TEPSIN: variants seen among roughly 807,000 people sequenced by gnomAD.
The protein encoded by TEPSIN is AP-4 complex accessory subunit tepsin.
A neutral mutation model predicts 48.5 loss-of-function variants in TEPSIN; 50 were observed. That is an observed-to-expected ratio of 1.03 (90% CI 0.82 to 1.31). The LOEUF is 1.31. Among genes scored for constraint, TEPSIN ranks in the 50% most tolerant of loss-of-function variants. The pLI is 0.00. For missense variants in TEPSIN, 838 were observed against 815.9 expected, an observed-to-expected ratio of 1.03 and a Z score of -0.33; for synonymous variants, 392 against 358.8, an observed-to-expected ratio of 1.09 and a Z score of -1.05.
chr17:81,230,879 C>T lies in TEPSIN; in HGVS notation c.1099-201G>A, dbSNP rs547320781. 4.8e-6 allele frequency: 3 copies of T among 625,918 alleles called. No homozygotes were observed. Among genetic ancestry groups the T allele is most frequent in the East Asian group, 3.1e-5 (1 of 32,110 alleles). The allele number at this position is 625,918 out of a possible 1,614,324, so 38.8% of individuals were successfully genotyped here. ...GACACCACAGCCCTGTCCTCACCAC[C>T]TTACACCCCCGCTCCCAGACACCAG... On this transcript the variant is annotated intron_variant, in intron 11 of 12. Transcript: ENST00000637944. The surrounding 1 kb of genome is among the most constrained non-coding windows in gnomAD (Gnocchi z 4.2).
chr17:81,234,393 T>C lies in TEPSIN; in HGVS notation c.308-345A>G, dbSNP rs1286343521. On this transcript the variant is annotated intron_variant, in intron 4 of 12. Coordinates refer to ENST00000637944, the MANE Select transcript of TEPSIN (RefSeq NM_001363764.2). This position sits in a 1 kb window ranked among gnomAD's most constrained non-coding sequence, Gnocchi z 5.4. ...GGACCCCTCAGAGGCTTCCGGGGCC[T>C]GGAGGGAGAAACCAGCGTTCTTATC... Among the ~76,000 whole-genome samples, 1 of 152,088 alleles carries C rather than the reference T, an allele frequency of 6.6e-6. No homozygotes were observed. The highest frequency in any genetic ancestry group is 1.5e-5 in the Non-Finnish European group (1 of 67,988).
chr17:81,238,895 G>A, intron 1 of TEPSIN, 91 bp downstream of exon 1: 4 of 1,371,712 alleles, frequency 2.9e-6, no homozygotes, highest in African/African-American at 1.5e-5. Context: ...GGAGACGCAA[G>A]GTCAATGGCT....
At position 81,230,429 on chromosome 17, in the gene TEPSIN, G is replaced by C; in HGVS notation, c.1233+115C>G. On this transcript the variant is annotated intron_variant, in intron 12 of 12. Transcript: ENST00000637944. This position sits in a 1 kb window ranked among gnomAD's most constrained non-coding sequence, Gnocchi z 4.2. ...GCCAGCGGGACAGGGACTTGAGAGGGGGTCCGGGAAGGGCTGACCAGGCGC... is the reference window on the plus strand; with the variant it reads ...GCCAGCGGGACAGGGACTTGAGAGGCGGTCCGGGAAGGGCTGACCAGGCGC... The C allele has an allele frequency of 2.1e-6, 3 of 1,426,244 alleles. No individual in the cohort carries two copies. The highest frequency in any genetic ancestry group is 2.8e-6 in the Non-Finnish European group (3 of 1,060,098). The allele number at this position is 1,426,244 out of a possible 1,614,324, so 88.3% of individuals were successfully genotyped here.
At position 81,234,329 on chromosome 17, in the gene TEPSIN, C is replaced by G. The variant is rs1234859596; in HGVS notation, c.308-281G>C. ...ACCCCTGGTGCCTGAGCGGGTGTGG[C>G]CTCCCCGAAGCCCACTCTCCCTGCC... On this transcript the variant is annotated intron_variant, in intron 4 of 12. Coordinates refer to ENST00000637944, the MANE Select transcript of TEPSIN (RefSeq NM_001363764.2). The surrounding 1 kb of genome is among the most constrained non-coding windows in gnomAD (Gnocchi z 5.4). The G allele has an allele frequency of 1.2e-5, 4 of 331,256 alleles. No homozygotes were observed. Among genetic ancestry groups the G allele is most frequent in the Non-Finnish European group, 2.2e-5 (4 of 182,846 alleles). 20.5% of individuals were successfully genotyped at this position (331,256 alleles called of 1,614,324 possible). A position where few individuals can be genotyped will look rare whatever the true frequency, so the allele number is the denominator to read the frequency against.
Position 81,230,882 on chromosome 17 carries a change from A to C in TEPSIN, c.1099-204T>G. 1 of 606,542 alleles carries C rather than the reference A, an allele frequency of 1.6e-6. No individual in the cohort carries two copies. Among genetic ancestry groups the C allele is most frequent in the Non-Finnish European group, 2.7e-6 (1 of 372,862 alleles). The allele number at this position is 606,542 out of a possible 1,614,324, so 37.6% of individuals were successfully genotyped here. A position where few individuals can be genotyped will look rare whatever the true frequency, so the allele number is the denominator to read the frequency against. ...ACCACAGCCCTGTCCTCACCACCTT[A>C]CACCCCCGCTCCCAGACACCAGAGC... On this transcript the variant is annotated intron_variant, in intron 11 of 12. Transcript: ENST00000637944. This position sits in a 1 kb window ranked among gnomAD's most constrained non-coding sequence, Gnocchi z 4.2.
In TEPSIN at chr17:81,232,431, C is replaced by G. The variant is rs1398720693; in HGVS notation, c.614G>C (p.Ser205Thr). The G allele has an allele frequency of 1.6e-5, 25 of 1,535,642 alleles. No homozygotes were observed. Among genetic ancestry groups the G allele is most frequent in the Non-Finnish European group, 2.6e-6 (3 of 1,146,686 alleles). The change falls in exon 8 of 13, where the codon AGT (serine) becomes ACT (threonine). Residue 205 changes from serine (S) to threonine (T), a missense_variant. Physicochemically the swap from Ser to Thr is moderately conservative, Grantham distance 58. Transcript: ENST00000637944. ...SAMRPGPESP[S>T]TRRLLPRGDT... ...ACCCCGCGGCAGGAGCCTCCGGGTA[C>G]TGGGACTCTCGGGCCCGGGGCGCAT...
Position 81,228,537 on chromosome 17 carries a change from C to T in TEPSIN, c.*391G>A, listed in dbSNP as rs1329593949. ...CCCAGCCTCAGCACCTAGCCCACCC[C>T]GATGGGACGGGGGAGCAGTGGCTTG... On this transcript the variant is annotated 3_prime_UTR_variant, in exon 13 of 13. Transcript: ENST00000637944. 3 of 303,972 alleles carry T rather than the reference C, an allele frequency of 9.9e-6. No homozygotes were observed. The highest frequency in any genetic ancestry group is 4.6e-5 in the African/African-American group (2 of 43,196). 18.8% of individuals were successfully genotyped at this position (303,972 alleles called of 1,614,324 possible). A position where few individuals can be genotyped will look rare whatever the true frequency, so the allele number is the denominator to read the frequency against.
chr17:81,231,328 C>G (rs953867374), intron 11 of TEPSIN, 70 bp downstream of exon 11: 13 of 1,395,178 alleles, frequency 9.3e-6, no homozygotes, highest in Middle Eastern at 5.2e-4. Flanking sequence ...TGCACACACA[C>G]GCACACGCAC....
chr17:81,231,003 G>T (rs895855341), intron 11 of TEPSIN: 6 of 499,498 alleles, frequency 1.2e-5, no homozygotes, highest in Non-Finnish European at 1.8e-5. Flanking sequence ...GTGACCTGCT[G>T]CCCCGATTGC....
chr17:81,234,033 G>A lies in TEPSIN; in HGVS notation c.323C>T (p.Pro108Leu), dbSNP rs1212523899. 6.3e-7 allele frequency: 1 copy of A among 1,592,534 alleles called. No individual in the cohort carries two copies. The highest frequency in any genetic ancestry group is 8.5e-7 in the Non-Finnish European group (1 of 1,173,594). The change falls in exon 5 of 13, where the codon CCA (proline) becomes CTA (leucine). Residue 108 changes from proline to leucine, a missense_variant. Coordinates refer to ENST00000637944, the MANE Select transcript of TEPSIN (RefSeq NM_001363764.2). The surrounding 1 kb of genome is among the most constrained non-coding windows in gnomAD (Gnocchi z 5.4). ...IQEAAAFAGP[P>L]DPLHGNSLYQ... Reference sequence around the variant, plus strand: ...CAAGCTGTTCCCGTGCAGAGGATCTGGGGGCCCTGCAAAAGCTGCAGAACA... The same window carrying A: ...CAAGCTGTTCCCGTGCAGAGGATCTAGGGGCCCTGCAAAAGCTGCAGAACA...
chr17:81,236,871 AC>A, intron 3 of TEPSIN, 70 bp from the exon 4 acceptor site: 1 of 1,536,122 alleles, frequency 6.5e-7, no homozygotes, highest in Non-Finnish European at 8.8e-7. Context: ...GCCCGGGGGC[AC>A]CCCAAGGGCA....
rs757514556 is a variant in TEPSIN, at chr17:81,231,841, G to A, written c.905+6C>T. ...CTCTCCCACATATCTGGCAGCTCCCGCTCACCTTTCTGCCAGGTCACCCGG... is the reference window on the plus strand; with the variant it reads ...CTCTCCCACATATCTGGCAGCTCCCACTCACCTTTCTGCCAGGTCACCCGG... On this transcript the variant is annotated splice_donor_region_variant and intron_variant, in intron 9 of 12. Transcript: ENST00000637944. 1.4e-5 allele frequency: 22 copies of A among 1,612,462 alleles called. No homozygotes were observed. In the East Asian group the frequency reaches 2.0e-4, roughly 15 times the overall value.
rs753049860 is a variant in TEPSIN at position 81,233,961 on chromosome 17, G to A, written c.375+20C>T. The A allele has an allele frequency of 1.1e-5, 17 of 1,593,494 alleles. No individual in the cohort carries two copies. Among genetic ancestry groups the A allele is most frequent in the Admixed American group, 3.7e-5 (2 of 53,734 alleles). On this transcript the variant is annotated intron_variant, in intron 5 of 12. Transcript: ENST00000637944. This position sits in a 1 kb window ranked among gnomAD's most constrained non-coding sequence, Gnocchi z 5.8. ...CAGGAGGAGGGGCACCCCGCAGAGC[G>A]ACACTGCTCCTGGGCTCACCTGCGC...
Position 81,237,084 on chromosome 17 carries a change from C to T in TEPSIN, c.122-13G>A, listed in dbSNP as rs74763453. 2.7e-3 allele frequency: 4,205 copies of T among 1,575,244 alleles called. 206 individuals are homozygous for T. The East Asian group carries it at 0.074, about 28-fold the overall frequency. The stretch of plus-strand genomic sequence containing the variant: ...TCGTGGGAGATTTCTGCGGCACGCT[C>T]GGGTTAGGGAAGGGCGAGATGATGA... On this transcript the variant is annotated splice_polypyrimidine_tract_variant and intron_variant, in intron 2 of 12. Coordinates refer to ENST00000637944, the MANE Select transcript of TEPSIN (RefSeq NM_001363764.2).
Position 81,231,570 on chromosome 17 carries a change from G to A in TEPSIN, c.1019+8C>T, listed in dbSNP as rs373767814. 177 of 1,609,618 alleles carry A rather than the reference G, an allele frequency of 1.1e-4. No homozygotes were observed. The highest frequency in any genetic ancestry group is 2.4e-4 in the African/African-American group (18 of 74,858). On this transcript the variant is annotated splice_region_variant and intron_variant, in intron 10 of 12. Coordinates refer to ENST00000637944, the MANE Select transcript of TEPSIN (RefSeq NM_001363764.2). ...GAGGCAGAGCAGGGCGGGTCCGGGCGCACTCACGCTTTGATGAAGTGCTGT... is the reference window on the plus strand; with the variant it reads ...GAGGCAGAGCAGGGCGGGTCCGGGCACACTCACGCTTTGATGAAGTGCTGT...
chr17:81,232,775 G>C (rs2062643971), intron 7 of TEPSIN: 1 of 479,448 alleles, frequency 2.1e-6, no homozygotes, highest in Non-Finnish European at 3.7e-6. Context: ...TGTCCTCTGG[G>C]GGTGAAGGTG....
intron 1 of TEPSIN, chr17:81,237,780 C>G (rs1398461316): frequency 2.4e-6 from 1 of 410,502 alleles, no homozygotes; most frequent in Non-Finnish European, 4.3e-6. Context: ...TTTGAAGGTA[C>G]CTCTCCTGTA....
At chr17:81,238,604 C>T (rs931039213) in intron 1 of TEPSIN, 2 of 1,099,370 alleles carry the variant, frequency 1.8e-6, no homozygotes. Context: ...TGAAACGCCA[C>T]CGTCAGGGAG....
At chr17:81,231,128 T>TACACAC (rs148556282) in intron 11 of TEPSIN, 35 of 549,588 alleles carry the variant, frequency 6.4e-5, no homozygotes, top group African/African-American at 6.3e-4. Context: ...TGCAGTCATG[T>TACACAC]ACACACACAC....
Sources: allele counts gnomAD v4.1 joint callset (sites outside exome capture counted in the v4.1 genomes callset), GRCh38; gene constraint gnomAD v4.1.1; non-coding constraint Gnocchi (gnomAD v3.1); transcripts MANE v1.5; gene names NCBI Gene and HGNC (gene_info 2026-07-23, HGNC 2026-07-21).